GPHN: variants seen among roughly 807,000 people sequenced by gnomAD.
GPHN encodes gephyrin.
GPHN carries 17 observed loss-of-function variants against 95.5 expected under a neutral mutation model. That is an observed-to-expected ratio of 0.18 (90% CI 0.12 to 0.27). The LOEUF (loss-of-function observed/expected upper bound fraction) is 0.27. Ranked by LOEUF, GPHN falls within the 10% of genes least tolerant of loss-of-function variation. The pLI, the probability that GPHN is intolerant of heterozygous loss-of-function variation, is 1.00. For missense variants in GPHN, 660 were observed against 978.1 expected, an observed-to-expected ratio of 0.67 and a Z score of 4.34; for synonymous variants, 320 against 322.5, an observed-to-expected ratio of 0.99 and a Z score of 0.08.
At chr14:67,585,426 A>G in the GPHN span, 7 of 653,266 alleles carry the variant, frequency 1.1e-5, no homozygotes, top group Admixed American at 7.6e-5. Flanking sequence ...CACTGTACAA[A>G]TATCATCTTT....
chr14:66,968,575 G>A (rs1042524758), intron 9 of GPHN, among the ~76,000 whole-genome samples: 3 of 151,952 alleles, frequency 2.0e-5, no homozygotes, highest in African/African-American at 2.4e-5. Context: ...TTGAATGATC[G>A]GTACTAGAAA....
intron 2 of GPHN, among the ~76,000 whole-genome samples, chr14:66,713,280 A>T (rs1040471105): frequency 3.3e-5 from 5 of 152,216 alleles, no homozygotes; most frequent in Admixed American, 2.6e-4. Flanking sequence ...CTTAGATTTA[A>T]GTCCATAATC....
At chr14:67,011,619 C>A (rs989973345) in intron 9 of GPHN, among the ~76,000 whole-genome samples, 15 of 145,886 alleles carry the variant, frequency 1.0e-4, no homozygotes, top group African/African-American at 3.3e-4. Flanking sequence ...GGATTGTGTT[C>A]TTTCCACATA....
At chr14:66,848,556 G>A (rs192714366) in intron 4 of GPHN, among the ~76,000 whole-genome samples, 7 of 152,014 alleles carry the variant, frequency 4.6e-5, no homozygotes, top group Admixed American at 6.6e-5. Context: ...TTACTTTCTC[G>A]TTAGTGTTAA....
At chr14:67,113,766 C>T (rs549448730) in intron 16 of GPHN, among the ~76,000 whole-genome samples, 2 of 152,192 alleles carry the variant, frequency 1.3e-5, no homozygotes, top group South Asian at 4.1e-4. Flanking sequence ...AGAATTTAGT[C>T]CATCTCTTTC....
chr14:67,065,927 C>G (rs2076039100), intron 11 of GPHN, among the ~76,000 whole-genome samples: 1 of 151,992 alleles, frequency 6.6e-6, no homozygotes, highest in African/African-American at 2.4e-5. Flanking sequence ...GGGCATTTAG[C>G]CTATTTACAT....
chr14:67,546,390 G>GTCTTGT, the GPHN span, among the ~76,000 whole-genome samples: 4 of 151,892 alleles, frequency 2.6e-5, no homozygotes, highest in Non-Finnish European at 5.9e-5. Flanking sequence ...TGTGTTTTTT[G>GTCTTGT]TTTTGTTTTT....
chr14:67,095,737 C>T (rs2077342632), intron 12 of GPHN, among the ~76,000 whole-genome samples: 1 of 151,310 alleles, frequency 6.6e-6, no homozygotes, highest in Non-Finnish European at 1.5e-5. Context: ...AGTGAGAACC[C>T]ATGGACACAG....
chr14:67,473,573 G>A, the GPHN span: 1 of 1,612,572 alleles, frequency 6.2e-7, no homozygotes, highest in Non-Finnish European at 8.5e-7. The surrounding 1 kb of genome is among the most constrained non-coding windows in gnomAD (Gnocchi z 6.5). Flanking sequence ...CGTACTCCAG[G>A]GTGATGAGGC....
At chr14:66,762,881 A>G (rs1001020236) in intron 2 of GPHN, among the ~76,000 whole-genome samples, 1 of 152,212 alleles carries the variant, frequency 6.6e-6, no homozygotes, top group Non-Finnish European at 1.5e-5. Flanking sequence ...CCAGTGTTAA[A>G]CAGGGGAGTT....
the GPHN span, chr14:67,729,277 C>A: frequency 1.9e-6 from 3 of 1,605,996 alleles, no homozygotes; most frequent in South Asian, 1.1e-5. Flanking sequence ...CCTGCTCTGG[C>A]GGCTCTTCTC....
rs150727177 is a variant in GPHN at position 66,989,585 on chromosome 14, A to G, written c.963+24260A>G. 3.1e-3 allele frequency among the ~76,000 whole-genome samples: 459 copies of G among 150,202 alleles called. 10 individuals carry two copies. Among genetic ancestry groups the G allele is most frequent in the African/African-American group, 0.011 (432 of 41,130 alleles). ...TTTCACTGAGAAACACTTTGTTCTG[A>G]TTACCTTGTTTCTAAAAATATTAAA... On this transcript the variant is annotated intron_variant, in intron 9 of 22. Transcript: ENST00000478722.
At chr14:67,643,852 T>TA in the GPHN span, among the ~76,000 whole-genome samples, 876 of 81,134 alleles carry the variant, frequency 0.011, 75 homozygotes, top group African/African-American at 0.034. Flanking sequence ...TCCTTGGGAG[T>TA]AAAAAAAAAA....
At chr14:67,240,163 T>G in the GPHN span, among the ~76,000 whole-genome samples, 2 of 152,114 alleles carry the variant, frequency 1.3e-5, no homozygotes, top group Non-Finnish European at 2.9e-5. Context: ...TTGGACAGAA[T>G]GCTGATCAGA....
At chr14:67,662,232 G>A in the GPHN span, among the ~76,000 whole-genome samples, 2 of 151,406 alleles carry the variant, frequency 1.3e-5, no homozygotes, top group Non-Finnish European at 2.9e-5. Context: ...GTATGAGAAT[G>A]CCCTTACTAC....
intron 8 of GPHN, among the ~76,000 whole-genome samples, chr14:66,954,831 G>C (rs1387635764): frequency 6.6e-6 from 1 of 152,088 alleles, no homozygotes; most frequent in Non-Finnish European, 1.5e-5. Context: ...AAAGCATATT[G>C]CATCAAATGT....
intron 5 of GPHN, among the ~76,000 whole-genome samples, chr14:66,906,487 G>A (rs1391753742): frequency 6.6e-6 from 1 of 152,148 alleles, no homozygotes; most frequent in Non-Finnish European, 1.5e-5. Flanking sequence ...GGCAGGATGG[G>A]GAGGAGGAAC....
intron 10 of GPHN, among the ~76,000 whole-genome samples, chr14:67,042,848 C>G (rs948138074): frequency 6.6e-6 from 1 of 152,188 alleles, no homozygotes; most frequent in African/African-American, 2.4e-5. Flanking sequence ...GATATTGGTT[C>G]TTCCTATCCA....
intron 8 of GPHN, among the ~76,000 whole-genome samples, chr14:66,928,656 T>C (rs1340099750): frequency 6.6e-6 from 1 of 152,188 alleles, no homozygotes; most frequent in Non-Finnish European, 1.5e-5. Flanking sequence ...TAGGTGCTTA[T>C]TGGTATAAAC....
Sources: gnomAD v4.1 joint callset for allele counts (sites outside exome capture counted in the v4.1 genomes callset) on GRCh38, gnomAD v4.1.1 for gene constraint, Gnocchi (gnomAD v3.1) non-coding constraint, MANE v1.5 for transcripts, NCBI Gene and HGNC (gene_info 2026-07-23, HGNC 2026-07-21) for gene names.